SEC11A: variants seen among roughly 807,000 people sequenced by gnomAD.
The protein encoded by SEC11A is SEC11 homolog A, signal peptidase complex subunit, also known as signal peptidase complex catalytic subunit SEC11A.
SEC11A carries 14 observed loss-of-function variants against 25.6 expected under a neutral mutation model. That is an observed-to-expected ratio of 0.55 (90% confidence interval 0.36 to 0.85). The LOEUF is 0.85. SEC11A is among the 40% of genes least tolerant of loss of function. The pLI, the probability that SEC11A is intolerant of heterozygous loss-of-function variation, is 0.01. For missense variants in SEC11A, 153 were observed against 222.9 expected, an observed-to-expected ratio of 0.69 and a Z score of 2.00; for synonymous variants, 83 against 76.4, an observed-to-expected ratio of 1.09 and a Z score of -0.45.
At chr15:84,701,826 T>G (rs555549921) in intron 1 of SEC11A, among the ~76,000 whole-genome samples, 1 of 151,970 alleles carries the variant, frequency 6.6e-6, no homozygotes, top group African/African-American at 2.4e-5. Context: ...TCCCAGCACA[T>G]TGGGAGGCCA....
Position 84,669,875 on chromosome 15 carries a change from G to A in SEC11A, c.*144C>T, listed in dbSNP as rs1479521559. ...CGCCCGCCCACACAAACTCTGGCAT[G>A]GAAACATAAACTAATGCAAACCAGT... is the stretch of plus-strand genomic sequence containing the variant. On this transcript the variant is annotated 3_prime_UTR_variant, in exon 6 of 6. Transcript: ENST00000268220. 2.0e-6 allele frequency: 3 copies of A among 1,498,008 alleles called. No homozygotes were observed. Among genetic ancestry groups the A allele is most frequent in the Non-Finnish European group, 2.7e-6 (3 of 1,104,826 alleles). The allele number at this position is 1,498,008 out of a possible 1,614,324, so 92.8% of individuals were successfully genotyped here.
intron 2 of SEC11A, among the ~76,000 whole-genome samples, chr15:84,689,340 AAT>A: frequency 6.6e-6 from 1 of 152,176 alleles, no homozygotes; most frequent in Non-Finnish European, 1.5e-5. Context: ...GTTTCACAGG[AAT>A]ATACTTACCT....
At chr15:84,676,545 G>GGGCAGATC (rs1437842623) in intron 4 of SEC11A, among the ~76,000 whole-genome samples, 2 of 151,644 alleles carry the variant, frequency 1.3e-5, no homozygotes, top group Non-Finnish European at 2.9e-5. Flanking sequence ...AGGCCGAGGC[G>GGGCAGATC]GGCAGATCAC....
At chr15:84,685,372 C>T (rs949040010) in intron 3 of SEC11A, among the ~76,000 whole-genome samples, 12 of 151,980 alleles carry the variant, frequency 7.9e-5, no homozygotes, top group African/African-American at 2.7e-4. Flanking sequence ...ATCCTCCTAC[C>T]TCAGCCTCTT....
intron 1 of SEC11A, among the ~76,000 whole-genome samples, chr15:84,702,279 G>A (rs1897969984): frequency 6.6e-6 from 1 of 151,250 alleles, no homozygotes; most frequent in African/African-American, 2.4e-5. Context: ...TGGCCAACAT[G>A]GTGAAACCCC....
At chr15:84,713,561 T>A (rs888237286) in intron 1 of SEC11A, among the ~76,000 whole-genome samples, 2 of 152,188 alleles carry the variant, frequency 1.3e-5, no homozygotes, top group African/African-American at 4.8e-5. Flanking sequence ...CCAGGGAGGA[T>A]AATTTTACCA....
intron 1 of SEC11A, among the ~76,000 whole-genome samples, chr15:84,709,030 G>A (rs1339768635): frequency 1.3e-5 from 2 of 151,948 alleles, no homozygotes; most frequent in African/African-American, 4.8e-5. Context: ...CACATTTATG[G>A]GAGTCTGCTT....
At chr15:84,696,588 C>A (rs1483399757) in intron 1 of SEC11A, among the ~76,000 whole-genome samples, 1 of 152,108 alleles carries the variant, frequency 6.6e-6, no homozygotes, top group Non-Finnish European at 1.5e-5. Context: ...CCTTGGGGGT[C>A]AGATGTGTTC....
At position 84,676,435 on chromosome 15, in the gene SEC11A, G is replaced by C. The variant is rs569866207; in HGVS notation, c.431+4278C>G. ...GATCATGCTGTTGCATGGGCAACAA[G>C]AGTGAAACTCTGTCTCAAAAAAAAA... On this transcript the variant is annotated intron_variant, in intron 4 of 5. Coordinates refer to ENST00000268220, the MANE Select transcript of SEC11A (RefSeq NM_014300.4). 2.2e-3 allele frequency among the ~76,000 whole-genome samples: 330 copies of C among 150,164 alleles called. 4 individuals are homozygous for C. The highest frequency in any genetic ancestry group is 3.4e-3 in the Non-Finnish European group (230 of 67,700).
chr15:84,676,210 C>T (rs1466201768), intron 4 of SEC11A, among the ~76,000 whole-genome samples: 1 of 151,844 alleles, frequency 6.6e-6, no homozygotes, highest in East Asian at 1.9e-4. Flanking sequence ...AATTTAGAGC[C>T]TTAGGCCTCA....
chr15:84,681,318 G>C (rs991150262), intron 3 of SEC11A, among the ~76,000 whole-genome samples: 13 of 152,166 alleles, frequency 8.5e-5, no homozygotes, highest in Admixed American at 6.6e-5. Context: ...AAGAAAGTTA[G>C]GGAAGTAACC....
intron 1 of SEC11A, among the ~76,000 whole-genome samples, chr15:84,700,640 A>AAAAG (rs1897905528): frequency 1.6e-5 from 2 of 128,124 alleles, no homozygotes; most frequent in Non-Finnish European, 3.2e-5. Context: ...AAAAAAAAAA[A>AAAAG]GGTAGGGGAA....
chr15:84,710,993 C>CT (rs1898245667), intron 1 of SEC11A, among the ~76,000 whole-genome samples: 1 of 151,810 alleles, frequency 6.6e-6, no homozygotes, highest in Admixed American at 6.6e-5. Flanking sequence ...TCGCTTGAAC[C>CT]CGGGGGGCGG....
At chr15:84,685,409 C>G (rs1032581298) in intron 3 of SEC11A, among the ~76,000 whole-genome samples, 4 of 151,424 alleles carry the variant, frequency 2.6e-5, no homozygotes, top group African/African-American at 9.7e-5. Flanking sequence ...AAGTGCACAC[C>G]ACCGTGCCTG....
chr15:84,691,779 T>G lies in SEC11A; in HGVS notation c.52-135A>C, dbSNP rs937676750. The G allele has an allele frequency of 1.9e-5, 10 of 526,422 alleles. No individual in the cohort carries two copies. The African/African-American group carries it at 2.0e-4, about 10-fold the overall frequency. The allele number at this position is 526,422 out of a possible 1,614,324, so 32.6% of individuals were successfully genotyped here. ...AGTTCTGAGACATTCTTTAATACAT[T>G]ATAATAATTATGCCATCAGCAGATC... On this transcript the variant is annotated intron_variant, in intron 1 of 5. Transcript: ENST00000268220.
chr15:84,696,416 G>A (rs1166671421), intron 1 of SEC11A, among the ~76,000 whole-genome samples: 1 of 152,162 alleles, frequency 6.6e-6, no homozygotes, highest in Non-Finnish European at 1.5e-5. Context: ...AAGATAAACA[G>A]TGAGGAATTC....
chr15:84,683,201 G>A (rs943262432), intron 3 of SEC11A, among the ~76,000 whole-genome samples: 1 of 152,186 alleles, frequency 6.6e-6, no homozygotes, highest in African/African-American at 2.4e-5. Flanking sequence ...CACTGCAAGA[G>A]TGAAAGTCAG....
At chr15:84,707,650 G>A (rs1898136720) in intron 1 of SEC11A, among the ~76,000 whole-genome samples, 1 of 152,142 alleles carries the variant, frequency 6.6e-6, no homozygotes, top group Admixed American at 6.6e-5. Context: ...TCCTTGAGCA[G>A]AAAAGATAAC....
intron 4 of SEC11A, chr15:84,671,986 T>G (rs1381957936): frequency 6.6e-6 from 1 of 152,242 alleles, no homozygotes; most frequent in African/African-American, 2.4e-5. Flanking sequence ...CTTCTATCGC[T>G]GGACTCCAGA....
Sources: allele counts gnomAD v4.1 joint callset (sites outside exome capture counted in the v4.1 genomes callset), GRCh38; gene constraint gnomAD v4.1.1; transcripts MANE v1.5; gene names NCBI Gene and HGNC (gene_info 2026-07-23, HGNC 2026-07-21).